ZNF90: variants seen among roughly 807,000 people sequenced by gnomAD.
ZNF90 encodes the protein zinc finger protein HTF9.
Under a neutral mutation model 12.0 loss-of-function variants are expected in ZNF90, and 11 were observed. That is an observed-to-expected ratio of 0.92 (90% CI 0.58 to 1.52). ZNF90 has a LOEUF of 1.52. Ranked by LOEUF, ZNF90 falls within the 40% of genes most tolerant of loss-of-function variation. The pLI, the probability that ZNF90 is intolerant of heterozygous loss-of-function variation, is 0.00. For synonymous variants in ZNF90, 232 were observed against 240.1 expected, an observed-to-expected ratio of 0.97 and a Z score of 0.31; for missense variants, 765 against 711.5, an observed-to-expected ratio of 1.08 and a Z score of -0.86.
chr19:20,116,272 C>G (rs925413167), intron 3 of ZNF90, among the ~76,000 whole-genome samples: 1 of 152,124 alleles, frequency 6.6e-6, no homozygotes, highest in African/African-American at 2.4e-5. Context: ...CAGGTTCAAG[C>G]AATTCTTGTG....
rs994010224 is a variant in ZNF90, at chr19:20,119,282, G to A, written c.1728G>A (p.Leu576=). The change falls in exon 4 of 4, where the codon TTG becomes TTA. Residue 576 remains leucine, a synonymous_variant. Transcript: ENST00000418063. ...KCEECGKAFN[L]SSDLNTHKRI... is the part of the protein sequence containing the mutation. ...AAGAATGTGGCAAAGCTTTTAACTT[G>A]TCCTCAGACCTTAATACACATAAGA... 8.7e-6 allele frequency: 14 copies of A among 1,613,166 alleles called. No individual in the cohort carries two copies. The highest frequency in any genetic ancestry group is 1.1e-5 in the Non-Finnish European group (13 of 1,179,678).
At chr19:20,106,051 T>A (rs1261623012) in intron 3 of ZNF90, among the ~76,000 whole-genome samples, 71 of 139,096 alleles carry the variant, frequency 5.1e-4, no homozygotes, top group Middle Eastern at 3.6e-3. Flanking sequence ...TTTCTTTTTT[T>A]TTTTTTTTTT....
intron 1 of ZNF90, among the ~76,000 whole-genome samples, chr19:20,082,490 A>C (rs886618701): frequency 6.6e-6 from 1 of 152,214 alleles, no homozygotes; most frequent in Non-Finnish European, 1.5e-5. Flanking sequence ...TGCTTGCAGG[A>C]ACATGTGCTG....
At chr19:20,114,726 C>A (rs1012954634) in intron 3 of ZNF90, among the ~76,000 whole-genome samples, 28 of 152,202 alleles carry the variant, frequency 1.8e-4, no homozygotes, top group Admixed American at 1.6e-3. Context: ...GTTGTATGAG[C>A]TATTGAGAAG....
At chr19:20,108,447 T>A (rs1228296770) in intron 3 of ZNF90, among the ~76,000 whole-genome samples, 1 of 152,138 alleles carries the variant, frequency 6.6e-6, no homozygotes, top group Non-Finnish European at 1.5e-5. Flanking sequence ...ATAGCTGTTA[T>A]TACAGGCACT....
At chr19:20,100,173 C>G (rs2088978402) in intron 1 of ZNF90, among the ~76,000 whole-genome samples, 1 of 152,162 alleles carries the variant, frequency 6.6e-6, no homozygotes, top group African/African-American at 2.4e-5. Context: ...GTTTCCTCCC[C>G]TCAGGATGGC....
chr19:20,108,366 G>A (rs1555704653), intron 3 of ZNF90, among the ~76,000 whole-genome samples: 1 of 152,216 alleles, frequency 6.6e-6, no homozygotes. Context: ...TTGGAGTGCA[G>A]TGGTGCAATC....
In ZNF90 at chr19:20,119,521, C is replaced by G. The variant is rs2089177960; in HGVS notation, c.*161C>G. 4 of 690,624 alleles carry G rather than the reference C, an allele frequency of 5.8e-6. No individual in the cohort carries two copies. Among genetic ancestry groups the G allele is most frequent in the Non-Finnish European group, 7.1e-6 (3 of 424,416 alleles). 42.8% of individuals were successfully genotyped at this position (690,624 alleles called of 1,614,324 possible). A position where few individuals can be genotyped will look rare whatever the true frequency, so the allele number is the denominator to read the frequency against. ...TACAAAAATAAAGAATGTGACAAAT[C>G]ATTTTAAGGAAGTTCTCAACCCTTA... is the stretch of plus-strand genomic sequence containing the variant. On this transcript the variant is annotated 3_prime_UTR_variant, in exon 4 of 4. Transcript: ENST00000418063.
intron 1 of ZNF90, among the ~76,000 whole-genome samples, chr19:20,096,523 G>A (rs1172453393): frequency 1.3e-5 from 2 of 152,080 alleles, no homozygotes; most frequent in African/African-American, 2.4e-5. Flanking sequence ...TCTCTGGTGG[G>A]CAGGAGTGGG....
chr19:20,103,886 C>T (rs938632302), intron 1 of ZNF90, among the ~76,000 whole-genome samples: 1 of 151,874 alleles, frequency 6.6e-6, no homozygotes, highest in Non-Finnish European at 1.5e-5. Flanking sequence ...TTGAGAGGTG[C>T]CTTCTAAGTC....
chr19:20,105,167 C>A, intron 2 of ZNF90, 54 bp from the exon 3 acceptor site: 2 of 1,401,516 alleles, frequency 1.4e-6, no homozygotes, highest in Non-Finnish European at 2.0e-6. Context: ...ACAGTACTAG[C>A]TTGTAATTGG....
At chr19:20,088,196 G>T (rs1216377445) in intron 1 of ZNF90, among the ~76,000 whole-genome samples, 1 of 151,880 alleles carries the variant, frequency 6.6e-6, no homozygotes, top group Non-Finnish European at 1.5e-5. Flanking sequence ...TGTTGGGGCG[G>T]CAAAAATTTT....
Position 20,119,570 on chromosome 19 carries a change from G to GA in ZNF90, c.*213dup. The GA allele has an allele frequency of 1.9e-6, 1 of 517,526 alleles. No individual in the cohort carries two copies. Among genetic ancestry groups the GA allele is most frequent in the South Asian group, 2.9e-5 (1 of 34,064 alleles). The allele number at this position is 517,526 out of a possible 1,614,324, so 32.1% of individuals were successfully genotyped here. ...TACTACACATAATTCATACTGGACG[G>GA]AAACTCTACAGGTGTGAAAAATGCA... On this transcript the variant is annotated 3_prime_UTR_variant, in exon 4 of 4. Transcript: ENST00000418063.
At chr19:20,078,752 A>G (rs1375165008) in intron 1 of ZNF90, among the ~76,000 whole-genome samples, 2 of 152,116 alleles carry the variant, frequency 1.3e-5, no homozygotes, top group Non-Finnish European at 2.9e-5. Context: ...GTGTAAGCCA[A>G]CCGGGATCAG....
intron 1 of ZNF90, among the ~76,000 whole-genome samples, chr19:20,099,793 G>A (rs2088975297): frequency 6.6e-6 from 1 of 152,194 alleles, no homozygotes; most frequent in South Asian, 2.1e-4. Context: ...AGGAAAAAGG[G>A]TAAATATATA....
rs1477852588 is a variant in ZNF90, at chr19:20,119,344, A to T, written c.1790A>T (p.Asn597Ile). 4 of 1,588,360 alleles carry T rather than the reference A, an allele frequency of 2.5e-6. No homozygotes were observed. Among genetic ancestry groups the T allele is most frequent in the Non-Finnish European group, 2.6e-6 (3 of 1,167,186 alleles). ...GGACAGAAAGCCTACATAGTGAAGA[A>T]CATGGCAAATCTTTGAAATATTCCT... is the stretch of plus-strand genomic sequence containing the variant. ...HIGQKAYIVK[N>I]MANL Residue 597 changes from asparagine (N) to isoleucine (I), a missense_variant, in exon 4 of 4, where the codon AAC becomes ATC. By Grantham distance (149) the Asn-to-Ile change is moderately radical (BLOSUM62 -3). Coordinates refer to ENST00000418063, the MANE Select transcript of ZNF90 (RefSeq NM_007138.2).
chr19:20,098,856 G>C (rs1173347733), intron 1 of ZNF90, among the ~76,000 whole-genome samples: 2 of 152,100 alleles, frequency 1.3e-5, no homozygotes, highest in African/African-American at 4.8e-5. Flanking sequence ...AGGTGTCTTT[G>C]GTACCCAGAT....
At chr19:20,113,009 A>G (rs1257458222) in intron 3 of ZNF90, among the ~76,000 whole-genome samples, 1 of 152,158 alleles carries the variant, frequency 6.6e-6, no homozygotes, top group African/African-American at 2.4e-5. Context: ...GTATATGACA[A>G]TATTTAACTC....
intron 1 of ZNF90, among the ~76,000 whole-genome samples, chr19:20,101,826 C>A (rs1455623045): frequency 2.0e-5 from 3 of 152,178 alleles, no homozygotes; most frequent in Non-Finnish European, 4.4e-5. Context: ...GTCCACTTTG[C>A]CTCCTGGACT....
Sources: allele counts gnomAD v4.1 joint callset (sites outside exome capture counted in the v4.1 genomes callset), GRCh38; gene constraint gnomAD v4.1.1; transcripts MANE v1.5; gene names NCBI Gene and HGNC (gene_info 2026-07-23, HGNC 2026-07-21).